PRKN: variants seen among roughly 807,000 people sequenced by gnomAD.
The protein encoded by PRKN is parkin RBR E3 ubiquitin protein ligase.
A neutral mutation model predicts 59.5 loss-of-function variants in PRKN; 56 were observed. That is an observed-to-expected ratio of 0.94 (90% confidence interval 0.76 to 1.18). The LOEUF (loss-of-function observed/expected upper bound fraction) is 1.18, where lower values mean the gene tolerates loss of function less well. PRKN is among the 50% of genes most tolerant of loss of function. PRKN has a pLI of 0.00. For synonymous variants in PRKN, 250 were observed against 222.1 expected, an observed-to-expected ratio of 1.13 and a Z score of -1.12; for missense variants, 657 against 596.4, an observed-to-expected ratio of 1.10 and a Z score of -1.06.
In PRKN at chr6:161,990,273, C is replaced by T. The variant is rs575690330; in HGVS notation, c.619-16856G>A. 3.3e-5 allele frequency among the ~76,000 whole-genome samples: 5 copies of T among 152,330 alleles called. No individual in the cohort carries two copies. The East Asian group carries it at 9.7e-4, about 29-fold the overall frequency. ...CGAGCCACTGAAGAGATCACAGACA[C>T]AACTGATGCTGATTACAGCTGAAGA... On this transcript the variant is annotated intron_variant, in intron 5 of 11. Transcript: ENST00000366898.
At chr6:161,682,837 G>A (rs1785419418) in intron 7 of PRKN, among the ~76,000 whole-genome samples, 2 of 152,168 alleles carry the variant, frequency 1.3e-5, no homozygotes, top group South Asian at 4.1e-4. Context: ...AGGGTGAGCA[G>A]ATGCCTGGAT....
intron 7 of PRKN, among the ~76,000 whole-genome samples, chr6:161,616,643 C>T (rs558044489): frequency 5.9e-5 from 9 of 152,058 alleles, no homozygotes; most frequent in South Asian, 2.1e-4. Context: ...CTCCCACTTA[C>T]GAGTGAGAAC....
At chr6:161,826,442 C>T (rs1299301964) in intron 6 of PRKN, among the ~76,000 whole-genome samples, 1 of 152,098 alleles carries the variant, frequency 6.6e-6, no homozygotes, top group African/African-American at 2.4e-5. Context: ...ATGACTATAG[C>T]AAAAATAGTA....
chr6:161,651,467 G>C (rs1208424818), intron 7 of PRKN, among the ~76,000 whole-genome samples: 1 of 152,166 alleles, frequency 6.6e-6, no homozygotes, highest in Non-Finnish European at 1.5e-5. Flanking sequence ...AATCTCACTG[G>C]AAAATATAGC....
chr6:162,393,209 G>T (rs1011371246), intron 2 of PRKN, among the ~76,000 whole-genome samples: 4 of 135,870 alleles, frequency 2.9e-5, no homozygotes, highest in Admixed American at 8.2e-5. Flanking sequence ...GCCCAGGCTG[G>T]AGTGCAATGG....
rs946330892 is a variant in PRKN, at chr6:161,460,499, C to T, written c.1084-73622G>A. Among the ~76,000 whole-genome samples, 1 of 152,152 alleles carries T rather than the reference C, an allele frequency of 6.6e-6. No individual in the cohort carries two copies. The highest frequency in any genetic ancestry group is 2.4e-5 in the African/African-American group (1 of 41,428). On this transcript the variant is annotated intron_variant, in intron 9 of 11. Coordinates refer to ENST00000366898, the MANE Select transcript of PRKN (RefSeq NM_004562.3). The surrounding 1 kb of genome is among the most constrained non-coding windows in gnomAD (Gnocchi z 5.0). ...GCAGGAAGGGCCAGGGGACACTTCT[C>T]TGAACCCCCGTGATCACTTGGGTTT...
chr6:161,553,033 C>A (rs941283541), intron 8 of PRKN, among the ~76,000 whole-genome samples: 1 of 151,114 alleles, frequency 6.6e-6, no homozygotes, highest in East Asian at 2.1e-4. Context: ...TCGTGATCTG[C>A]CTGCCTCAGC....
At chr6:161,911,230 G>C (rs1401214324) in intron 6 of PRKN, among the ~76,000 whole-genome samples, 1 of 152,156 alleles carries the variant, frequency 6.6e-6, no homozygotes, top group Non-Finnish European at 1.5e-5. Context: ...GTGCCAAAGA[G>C]GAAGTGGTCA....
chr6:162,204,368 T>C (rs1302763063), intron 3 of PRKN, among the ~76,000 whole-genome samples: 1 of 152,052 alleles, frequency 6.6e-6, no homozygotes, highest in Non-Finnish European at 1.5e-5. Context: ...TCTGTAAAAA[T>C]GAAAGGATGA....
intron 2 of PRKN, among the ~76,000 whole-genome samples, chr6:162,310,760 T>A (rs1274405996): frequency 3.5e-5 from 5 of 143,028 alleles, no homozygotes; most frequent in East Asian, 2.0e-4. Flanking sequence ...TATATATATA[T>A]AAAAAAAAGC....
intron 6 of PRKN, among the ~76,000 whole-genome samples, chr6:161,968,595 A>G (rs1003473615): frequency 1.3e-5 from 2 of 152,198 alleles, no homozygotes; most frequent in Non-Finnish European, 2.9e-5. Context: ...ATAAATTAAT[A>G]CTATCCTCCG....
intron 6 of PRKN, among the ~76,000 whole-genome samples, chr6:161,885,363 A>G (rs1268424448): frequency 1.3e-5 from 2 of 152,128 alleles, no homozygotes; most frequent in Middle Eastern, 3.2e-3. Flanking sequence ...TTAGCTGTCT[A>G]TTCAACAATA....
At chr6:162,580,345 G>A (rs542298088) in intron 1 of PRKN, among the ~76,000 whole-genome samples, 2 of 151,954 alleles carry the variant, frequency 1.3e-5, no homozygotes, top group Non-Finnish European at 2.9e-5. Flanking sequence ...GGCTGAGGTA[G>A]GAGGATCACA....
chr6:161,470,696 G>A lies in PRKN; in HGVS notation c.1083+78158C>T, dbSNP rs1324748164. Among the ~76,000 whole-genome samples the A allele has an allele frequency of 6.6e-6, 1 of 152,174 alleles. No homozygotes were observed. Among genetic ancestry groups the A allele is most frequent in the East Asian group, 1.9e-4 (1 of 5,188 alleles). On this transcript the variant is annotated intron_variant, in intron 9 of 11. Coordinates refer to ENST00000366898, the MANE Select transcript of PRKN (RefSeq NM_004562.3). The surrounding 1 kb of genome is among the most constrained non-coding windows in gnomAD (Gnocchi z 5.1). ...CAGAATTCCCTGCCCAAATGGCCTG[G>A]GCTTGATTCAGGGCTTGTGTAGGCA... is the stretch of plus-strand genomic sequence containing the variant.
At chr6:162,147,659 A>C (rs1234639465) in intron 4 of PRKN, among the ~76,000 whole-genome samples, 1 of 152,158 alleles carries the variant, frequency 6.6e-6, no homozygotes, top group Non-Finnish European at 1.5e-5. Context: ...GACTGAATGG[A>C]CTTTTCATTT....
chr6:162,346,705 T>G (rs1784419424), intron 2 of PRKN, among the ~76,000 whole-genome samples: 1 of 152,126 alleles, frequency 6.6e-6, no homozygotes, highest in East Asian at 1.9e-4. Context: ...ATGAGAAATT[T>G]TTTAAAATAC....
At chr6:162,485,393 G>A (rs1160665387) in intron 1 of PRKN, among the ~76,000 whole-genome samples, 1 of 152,206 alleles carries the variant, frequency 6.6e-6, no homozygotes, top group African/African-American at 2.4e-5. Flanking sequence ...AAAGTAGTAT[G>A]AGAGACACTG....
At chr6:162,459,486 T>G (rs945855694) in intron 1 of PRKN, among the ~76,000 whole-genome samples, 2 of 152,158 alleles carry the variant, frequency 1.3e-5, no homozygotes, top group South Asian at 4.1e-4. Flanking sequence ...CAATACAATT[T>G]TATCCTTAAT....
rs114907809 is a variant in PRKN at position 161,428,166 on chromosome 6, T to C, written c.1084-41289A>G. 7.0e-3 allele frequency among the ~76,000 whole-genome samples: 1,059 copies of C among 152,276 alleles called. 15 individuals carry two copies. Among genetic ancestry groups the C allele is most frequent in the African/African-American group, 0.023 (976 of 41,546 alleles). ...CCTTCCTCAAAGCCGTGCGCCTCCA[T>C]CTCAGGGCAACATAGGGCAACTTCT... On this transcript the variant is annotated intron_variant, in intron 9 of 11. Coordinates refer to ENST00000366898, the MANE Select transcript of PRKN (RefSeq NM_004562.3). The surrounding 1 kb of genome is among the most constrained non-coding windows in gnomAD (Gnocchi z 4.0).
Sources: allele counts gnomAD v4.1 joint callset (sites outside exome capture counted in the v4.1 genomes callset), GRCh38; gene constraint gnomAD v4.1.1; non-coding constraint Gnocchi (gnomAD v3.1); transcripts MANE v1.5; gene names NCBI Gene and HGNC (gene_info 2026-07-23, HGNC 2026-07-21).